Variants in LIPC observed in about 807,000 individuals in gnomAD.
LIPC encodes lipase C, hepatic type, also known as hepatic triacylglycerol lipase.
Under a neutral mutation model 50.7 loss-of-function variants are expected in LIPC, and 44 were observed. The ratio of observed to expected loss-of-function variants is 0.87; its 90% CI spans 0.68 to 1.11. The LOEUF is 1.11. LIPC is among the 50% of genes most tolerant of loss of function. The probability of loss-of-function intolerance (pLI) is 0.00; values close to 1 mark genes in which losing one functional copy is unlikely to be tolerated. For missense variants in LIPC, 697 were observed against 648.2 expected, an observed-to-expected ratio of 1.08 and a Z score of -0.82; for synonymous variants, 271 against 256.4, an observed-to-expected ratio of 1.06 and a Z score of -0.54.
At position 58,512,256 on chromosome 15, in the gene LIPC, G is replaced by A. The variant is rs113805404; in HGVS notation, c.89-26077G>A. Among the ~76,000 whole-genome samples the A allele has an allele frequency of 4.0e-3, 606 of 152,074 alleles. 3 individuals are homozygous for A. The highest frequency in any genetic ancestry group is 0.014 in the African/African-American group (596 of 41,482). On this transcript the variant is annotated intron_variant, in intron 1 of 8. Coordinates refer to ENST00000299022, the MANE Select transcript of LIPC (RefSeq NM_000236.3). ...TGAGACTACAGGCATGAGCCACCAA[G>A]CCTGACTAATTTTTGTATTTTTAGT... is the stretch of plus-strand genomic sequence containing the variant.
At chr15:58,452,869 G>T (rs1196154385) in intron 1 of LIPC, among the ~76,000 whole-genome samples, 1 of 152,208 alleles carries the variant, frequency 6.6e-6, no homozygotes, top group African/African-American at 2.4e-5. Context: ...TCTTGTGAGT[G>T]GTCTGCTCTT....
intron 2 of LIPC, among the ~76,000 whole-genome samples, chr15:58,540,711 A>T (rs1365824968): frequency 6.6e-6 from 1 of 152,042 alleles, no homozygotes; most frequent in Non-Finnish European, 1.5e-5. Context: ...CCCTTTCATG[A>T]TTCTGTGACT....
intron 1 of LIPC, among the ~76,000 whole-genome samples, chr15:58,505,181 C>T (rs1234794820): frequency 6.6e-6 from 1 of 152,248 alleles, no homozygotes; most frequent in Admixed American, 6.5e-5. Context: ...AAGGCTACCA[C>T]TCTACAGCCG....
intron 1 of LIPC, among the ~76,000 whole-genome samples, chr15:58,531,624 C>A (rs1321974300): frequency 2.3e-4 from 1 of 4,442 alleles, no homozygotes; most frequent in Non-Finnish European, 4.0e-3. Flanking sequence ...CCAAAATGGA[C>A]TCAAAAAAAA....
At chr15:58,440,607 ATGGGGTGTG>A (rs1349185624) in intron 1 of LIPC, among the ~76,000 whole-genome samples, 1 of 152,296 alleles carries the variant, frequency 6.6e-6, no homozygotes, top group East Asian at 1.9e-4. Context: ...CTAGCCCCTT[ATGGGGTGTG>A]TGTGGGGGCA....
chr15:58,464,436 T>A (rs995022931), intron 1 of LIPC, among the ~76,000 whole-genome samples: 3 of 152,322 alleles, frequency 2.0e-5, no homozygotes, highest in South Asian at 4.1e-4. Context: ...AAGCAACACA[T>A]CATAGCAAAT....
At chr15:58,457,568 A>C (rs1894179265) in intron 1 of LIPC, among the ~76,000 whole-genome samples, 1 of 152,134 alleles carries the variant, frequency 6.6e-6, no homozygotes, top group Non-Finnish European at 1.5e-5. Flanking sequence ...ATGTAAGACC[A>C]CTTCTGCCCC....
chr15:58,554,788 C>T (rs1473448829), intron 6 of LIPC, among the ~76,000 whole-genome samples: 2 of 152,090 alleles, frequency 1.3e-5, no homozygotes, highest in Non-Finnish European at 2.9e-5. Context: ...TCAGCAGGAA[C>T]CAGTTCTCAG....
chr15:58,462,261 A>G (rs1894380367), intron 1 of LIPC, among the ~76,000 whole-genome samples: 2 of 152,324 alleles, frequency 1.3e-5, no homozygotes, highest in South Asian at 2.1e-4. Flanking sequence ...AGCACATGGC[A>G]TATAGTGGAT....
chr15:58,536,091 C>T (rs1412187802), intron 1 of LIPC, among the ~76,000 whole-genome samples: 1 of 152,196 alleles, frequency 6.6e-6, no homozygotes, highest in Non-Finnish European at 1.5e-5. Flanking sequence ...CGCTGCAGGG[C>T]AAGTGTATTA....
At chr15:58,481,097 A>G (rs1891171280) in intron 1 of LIPC, among the ~76,000 whole-genome samples, 1 of 152,146 alleles carries the variant, frequency 6.6e-6, no homozygotes, top group Non-Finnish European at 1.5e-5. Flanking sequence ...ACAGCCCTCC[A>G]TGGGATACAC....
chr15:58,433,659 A>G (rs1893195582), intron 1 of LIPC, among the ~76,000 whole-genome samples: 1 of 152,198 alleles, frequency 6.6e-6, no homozygotes, highest in Non-Finnish European at 1.5e-5. Context: ...GGAAGCTGTC[A>G]GTGCTGAGAT....
chr15:58,456,678 G>A (rs544603167), intron 1 of LIPC, among the ~76,000 whole-genome samples: 4 of 152,314 alleles, frequency 2.6e-5, no homozygotes, highest in South Asian at 4.1e-4. Context: ...GGATCTGCCC[G>A]CTACCTCATA....
chr15:58,531,216 A>G (rs1396872870), intron 1 of LIPC, among the ~76,000 whole-genome samples: 1 of 152,206 alleles, frequency 6.6e-6, no homozygotes, highest in Non-Finnish European at 1.5e-5. Flanking sequence ...CATTTCTCCC[A>G]TGACTAATGA....
intron 1 of LIPC, among the ~76,000 whole-genome samples, chr15:58,506,208 G>A (rs1354779952): frequency 6.6e-6 from 1 of 152,206 alleles, no homozygotes; most frequent in Non-Finnish European, 1.5e-5. Flanking sequence ...TAGCCCAGGA[G>A]GGGAGAGGCT....
intron 1 of LIPC, among the ~76,000 whole-genome samples, chr15:58,536,463 G>A (rs1408687045): frequency 6.6e-6 from 1 of 152,188 alleles, no homozygotes; most frequent in Non-Finnish European, 1.5e-5. Context: ...CCAGTTAGGA[G>A]GCTGCTGTAA....
chr15:58,555,257 G>A (rs970435361), intron 6 of LIPC, among the ~76,000 whole-genome samples: 1 of 152,134 alleles, frequency 6.6e-6, no homozygotes, highest in Non-Finnish European at 1.5e-5. Context: ...CCAAGACAAG[G>A]GCATGAAACA....
At chr15:58,526,292 G>A (rs1892797672) in intron 1 of LIPC, among the ~76,000 whole-genome samples, 1 of 152,224 alleles carries the variant, frequency 6.6e-6, no homozygotes, top group Non-Finnish European at 1.5e-5. Flanking sequence ...TAGCAGTGGT[G>A]TAAGGGCAGA....
intron 1 of LIPC, among the ~76,000 whole-genome samples, chr15:58,463,746 C>G (rs1363682040): frequency 6.6e-6 from 1 of 152,194 alleles, no homozygotes; most frequent in Non-Finnish European, 1.5e-5. Context: ...CAGTTTTCCA[C>G]TTTTCCATCA....
Sources: allele counts gnomAD v4.1 joint callset (sites outside exome capture counted in the v4.1 genomes callset), GRCh38; gene constraint gnomAD v4.1.1; transcripts MANE v1.5; gene names NCBI Gene and HGNC (gene_info 2026-07-23, HGNC 2026-07-21).